The following SCARA3 variants were observed in gnomAD, a reference collection of about 807,000 sequenced individuals.
SCARA3 encodes scavenger receptor class A member 3.
In SCARA3, 39 loss-of-function variants were observed where a neutral mutation model predicts 47.0. The observed-to-expected ratio is 0.83, with a 90% CI of 0.64 to 1.08. SCARA3 has a LOEUF of 1.08. SCARA3 is among the 50% of genes least tolerant of loss of function. The pLI is 0.00. For synonymous variants in SCARA3, 356 were observed against 334.1 expected (o/e 1.07, Z -0.71); for missense variants, 724 against 792.3 (o/e 0.91, Z 1.04).
intron 1 of SCARA3, among the ~76,000 whole-genome samples, chr8:27,643,824 C>A (rs1222161668): frequency 6.6e-6 from 1 of 152,202 alleles, no homozygotes; most frequent in Non-Finnish European, 1.5e-5. Context: ...CTTGTTGACT[C>A]AGATGGAAGA....
the SCARA3 span, among the ~76,000 whole-genome samples, chr8:27,705,400 T>A: frequency 6.6e-6 from 1 of 152,222 alleles, no homozygotes; most frequent in African/African-American, 2.4e-5. Context: ...CCCACTGAGC[T>A]AGGGGAGCCA....
the SCARA3 span, among the ~76,000 whole-genome samples, chr8:27,729,805 A>C: frequency 6.6e-6 from 1 of 152,312 alleles, no homozygotes; most frequent in East Asian, 1.9e-4. Flanking sequence ...AAAAAAATTA[A>C]AAAATTAAAA....
chr8:27,687,242 T>C, the SCARA3 span, among the ~76,000 whole-genome samples: 1 of 152,154 alleles, frequency 6.6e-6, no homozygotes, highest in Non-Finnish European at 1.5e-5. Context: ...ACTGAAAGCC[T>C]GGAGTTGTTG....
At chr8:27,666,364 G>T (rs569558780) in intron 5 of SCARA3, among the ~76,000 whole-genome samples, 2 of 152,290 alleles carry the variant, frequency 1.3e-5, no homozygotes, top group African/African-American at 4.8e-5. Context: ...TCCCTCCAAA[G>T]CCTCCAGAAA....
chr8:27,689,400 G>T, the SCARA3 span, among the ~76,000 whole-genome samples: 1 of 152,136 alleles, frequency 6.6e-6, no homozygotes, highest in Non-Finnish European at 1.5e-5. Flanking sequence ...AAACGGGAGC[G>T]GCTGATGAAA....
the SCARA3 span, among the ~76,000 whole-genome samples, chr8:27,726,750 AT>A: frequency 6.6e-6 from 1 of 152,316 alleles, no homozygotes; most frequent in East Asian, 1.9e-4. Context: ...AAGAGATTTG[AT>A]TTTAAATATG....
rs1413737474 is a variant in SCARA3 at position 27,671,374 on chromosome 8, G to A, written c.*23G>A. ...TGAGGAGGGCTGTGGCAGAGCCACT[G>A]TCACACAGAATGCCGGAGGGGCGCA... On this transcript the variant is annotated 3_prime_UTR_variant, in exon 6 of 6. Transcript: ENST00000301904. 1.4e-6 allele frequency: 2 copies of A among 1,395,978 alleles called. No individual in the cohort carries two copies. Among genetic ancestry groups the A allele is most frequent in the Non-Finnish European group, 9.3e-7 (1 of 1,079,036 alleles). 86.5% of individuals were successfully genotyped at this position (1,395,978 alleles called of 1,614,324 possible). A position where few individuals can be genotyped will look rare whatever the true frequency, so the allele number is the denominator to read the frequency against.
chr8:27,700,262 T>C, the SCARA3 span, among the ~76,000 whole-genome samples: 5 of 152,136 alleles, frequency 3.3e-5, no homozygotes, highest in African/African-American at 1.2e-4. Flanking sequence ...AATACATATA[T>C]GAGACAAAGG....
rs1270891004 is a variant in SCARA3 at position 27,671,339 on chromosome 8, G to C, written c.1809G>C (p.Gln603His). ...LPGPPGPPGS[Q>H]SFY ...GGCCTCCAGGTCCACCAGGAAGCCA[G>C]AGCTTCTACTGAGGAGGGCTGTGGC... Residue 603 changes from glutamine to histidine, a missense_variant, in exon 6 of 6, where the codon CAG becomes CAC. Transcript: ENST00000301904. 1 of 1,425,060 alleles carries C rather than the reference G, an allele frequency of 7.0e-7. No homozygotes were observed. The highest frequency in any genetic ancestry group is 9.2e-7 in the Non-Finnish European group (1 of 1,090,762). The allele number at this position is 1,425,060 out of a possible 1,614,324, so 88.3% of individuals were successfully genotyped here.
chr8:27,646,213 G>A (rs531094454), intron 1 of SCARA3, among the ~76,000 whole-genome samples: 1 of 152,288 alleles, frequency 6.6e-6, no homozygotes, highest in East Asian at 1.9e-4. Flanking sequence ...CCAAACACCC[G>A]TGGTCCCCCT....
At chr8:27,677,465 G>C (rs777936403), downstream of SCARA3, among the ~76,000 whole-genome samples, 1 of 152,214 alleles carries the variant, frequency 6.6e-6, no homozygotes, top group Admixed American at 6.5e-5. Flanking sequence ...AGGGTATACA[G>C]TGGTGGGGAA....
chr8:27,646,340 G>T (rs1317228550), intron 1 of SCARA3, among the ~76,000 whole-genome samples: 1 of 152,206 alleles, frequency 6.6e-6, no homozygotes, highest in Non-Finnish European at 1.5e-5. Flanking sequence ...TTGCTAATCT[G>T]GGGGGCTGTC....
chr8:27,650,895 T>C (rs1801617089), intron 2 of SCARA3, among the ~76,000 whole-genome samples: 1 of 152,178 alleles, frequency 6.6e-6, no homozygotes, highest in African/African-American at 2.4e-5. Context: ...TTTTCTTTTT[T>C]CTTTTTTAAA....
intron 1 of SCARA3, among the ~76,000 whole-genome samples, chr8:27,636,274 A>G (rs903890686): frequency 6.6e-6 from 1 of 152,142 alleles, no homozygotes; most frequent in Admixed American, 6.5e-5. Flanking sequence ...CTCCACCCCA[A>G]TTCCAGACAA....
chr8:27,648,958 A>T (rs1395553053), intron 1 of SCARA3, among the ~76,000 whole-genome samples: 1 of 152,118 alleles, frequency 6.6e-6, no homozygotes, highest in South Asian at 2.1e-4. Flanking sequence ...GGAGGAAAGT[A>T]GGGAAGGAAG....
At chr8:27,689,644 C>T in the SCARA3 span, among the ~76,000 whole-genome samples, 3 of 152,090 alleles carry the variant, frequency 2.0e-5, no homozygotes, top group Non-Finnish European at 4.4e-5. Flanking sequence ...AGCTGGGAAC[C>T]GTGTGTTTGG....
chr8:27,674,488 T>A (rs1272674490), downstream of SCARA3, among the ~76,000 whole-genome samples: 1 of 152,172 alleles, frequency 6.6e-6, no homozygotes, highest in Non-Finnish European at 1.5e-5. Context: ...GAGTCTGACA[T>A]GCTGTGTTCC....
At chr8:27,702,522 CA>C in the SCARA3 span, 1 of 152,326 alleles carries the variant, frequency 6.6e-6, no homozygotes, top group East Asian at 1.9e-4. Context: ...GGTAGAAAAA[CA>C]ATAACCAGTG....
chr8:27,733,989 A>G, the SCARA3 span: 66,041 of 152,072 alleles, frequency 0.43, 14,618 homozygotes, highest in East Asian at 0.63. Flanking sequence ...GGCACTGAAT[A>G]GCTGAAAGGC....
Sources: gnomAD v4.1 joint callset for allele counts (sites outside exome capture counted in the v4.1 genomes callset) on GRCh38, gnomAD v4.1.1 for gene constraint, MANE v1.5 for transcripts, NCBI Gene and HGNC (gene_info 2026-07-23, HGNC 2026-07-21) for gene names.